The following RPTOR variants were observed in gnomAD, a reference collection of about 807,000 sequenced individuals.
The protein encoded by RPTOR is regulatory-associated protein of mTOR.
In RPTOR, 21 loss-of-function variants were observed where a neutral mutation model predicts 169.9. That is an observed-to-expected ratio of 0.12 (90% CI 0.09 to 0.18). The LOEUF (loss-of-function observed/expected upper bound fraction) is 0.18. RPTOR is among the 10% of genes least tolerant of loss of function. RPTOR has a pLI of 1.00. For missense variants in RPTOR, 1,133 were observed against 1,855.9 expected, an observed-to-expected ratio of 0.61 and a Z score of 7.16; for synonymous variants, 732 against 753.2, an observed-to-expected ratio of 0.97 and a Z score of 0.46.
intron 24 of RPTOR, among the ~76,000 whole-genome samples, chr17:80,926,990 C>T (rs770948843): frequency 2.0e-5 from 3 of 152,348 alleles, no homozygotes; most frequent in Non-Finnish European, 2.9e-5. Context: ...CTGGGCTCAC[C>T]GCTGCTTACC....
chr17:80,705,159 C>T (rs2066132999), intron 3 of RPTOR, among the ~76,000 whole-genome samples: 2 of 152,266 alleles, frequency 1.3e-5, no homozygotes, highest in Admixed American at 6.5e-5. Flanking sequence ...GCCCCCTGTG[C>T]GTGTCAACGC....
chr17:80,686,951 TC>T (rs575547413), intron 3 of RPTOR, among the ~76,000 whole-genome samples: 36 of 150,664 alleles, frequency 2.4e-4, no homozygotes, highest in African/African-American at 8.5e-4. Context: ...ATCTATCAGT[TC>T]CAGTCAGAGC....
chr17:80,577,078 C>T (rs2064970530), intron 1 of RPTOR, among the ~76,000 whole-genome samples: 1 of 149,778 alleles, frequency 6.7e-6, no homozygotes, highest in African/African-American at 2.5e-5. Flanking sequence ...TTTGCCCAGG[C>T]TGGAGTGCAG....
At chr17:80,619,565 T>G (rs750019842) in intron 1 of RPTOR, among the ~76,000 whole-genome samples, 6 of 152,168 alleles carry the variant, frequency 3.9e-5, no homozygotes, top group Non-Finnish European at 8.8e-5. Flanking sequence ...GGTGATCTGG[T>G]CTGCAGGCCC....
chr17:80,822,471 G>A (rs1253959157), intron 8 of RPTOR, among the ~76,000 whole-genome samples, 170 bp downstream of exon 8: 1 of 152,256 alleles, frequency 6.6e-6, no homozygotes, highest in East Asian at 1.9e-4. Flanking sequence ...GTGTCTGCGA[G>A]GGGGTGAGTT....
intron 15 of RPTOR, 92 bp downstream of exon 15, chr17:80,883,576 CAG>C (rs140548384): frequency 0.22 from 301,782 of 1,347,516 alleles, 37,612 homozygotes; most frequent in African/African-American, 0.43. Flanking sequence ...ACATGGGGGA[CAG>C]GGGGTGTCCA....
chr17:80,560,286 G>A (rs986423171), intron 1 of RPTOR, among the ~76,000 whole-genome samples: 2 of 152,194 alleles, frequency 1.3e-5, no homozygotes, highest in African/African-American at 4.8e-5. Context: ...CAGGTGGAGT[G>A]GTTGCGGGAG....
intron 5 of RPTOR, 55 bp from the exon 6 acceptor site, chr17:80,753,955 G>C: frequency 6.9e-7 from 1 of 1,457,188 alleles, no homozygotes; most frequent in South Asian, 1.2e-5. Flanking sequence ...CTTACTATTT[G>C]GTTGTGACCA....
chr17:80,654,365 C>T (rs545378458), intron 3 of RPTOR, among the ~76,000 whole-genome samples: 66 of 152,360 alleles, frequency 4.3e-4, no homozygotes, highest in African/African-American at 1.5e-3. Context: ...GAGGGTGCTC[C>T]CCTCGGTGGG....
chr17:80,718,517 C>CAG (rs1185753821), intron 4 of RPTOR, among the ~76,000 whole-genome samples: 5 of 151,612 alleles, frequency 3.3e-5, no homozygotes, highest in African/African-American at 9.7e-5. Flanking sequence ...TTGGCCCCTT[C>CAG]AGAGAGAGAG....
chr17:80,917,823 C>T (rs765394675), intron 21 of RPTOR, among the ~76,000 whole-genome samples: 6 of 152,176 alleles, frequency 3.9e-5, no homozygotes, highest in African/African-American at 1.2e-4. Context: ...CTCCGGGAAT[C>T]GTGAGCTCTA....
chr17:80,835,313 T>A (rs536141562), intron 9 of RPTOR, among the ~76,000 whole-genome samples: 10 of 152,192 alleles, frequency 6.6e-5, no homozygotes, highest in Admixed American at 2.6e-4. Context: ...ACTAAGACAT[T>A]GAGAAAATAT....
chr17:80,742,955 C>T (rs1014035330), intron 5 of RPTOR, among the ~76,000 whole-genome samples: 1 of 152,132 alleles, frequency 6.6e-6, no homozygotes, highest in Non-Finnish European at 1.5e-5. Flanking sequence ...CACACACACA[C>T]ACACAGCTTT....
At chr17:80,683,438 C>T (rs546395328) in intron 3 of RPTOR, among the ~76,000 whole-genome samples, 45 of 152,228 alleles carry the variant, frequency 3.0e-4, no homozygotes, top group African/African-American at 1.0e-3. Flanking sequence ...ATTAAGATGG[C>T]GTCCCCACAT....
chr17:80,637,874 G>A (rs770957474), intron 2 of RPTOR, among the ~76,000 whole-genome samples: 47 of 152,362 alleles, frequency 3.1e-4, no homozygotes, highest in Non-Finnish European at 4.3e-4. Context: ...AGTCGTGATC[G>A]CCCTTGGCGG....
intron 21 of RPTOR, among the ~76,000 whole-genome samples, chr17:80,921,419 C>T (rs1031685320): frequency 1.3e-5 from 2 of 152,182 alleles, no homozygotes; most frequent in Non-Finnish European, 2.9e-5. Flanking sequence ...GACCCGCATT[C>T]CCCCCACTGA....
At chr17:80,742,303 G>A (rs1412150252) in intron 5 of RPTOR, among the ~76,000 whole-genome samples, 2 of 152,136 alleles carry the variant, frequency 1.3e-5, no homozygotes, top group Admixed American at 1.3e-4. Context: ...AAGGGAACAG[G>A]ATCCATTACA....
intron 6 of RPTOR, among the ~76,000 whole-genome samples, chr17:80,765,869 G>C (rs547616160): frequency 2.2e-4 from 33 of 152,274 alleles, no homozygotes; most frequent in South Asian, 1.9e-3. Flanking sequence ...CCAGCCTAGT[G>C]GGGAGACTGG....
chr17:80,616,634 G>C (rs2065313096), intron 1 of RPTOR, among the ~76,000 whole-genome samples: 2 of 152,134 alleles, frequency 1.3e-5, no homozygotes, highest in South Asian at 4.1e-4. Context: ...ATAAATTTTA[G>C]AAAATTAGCC....
Sources: gnomAD v4.1 joint callset for allele counts (sites outside exome capture counted in the v4.1 genomes callset) on GRCh38, gnomAD v4.1.1 for gene constraint, MANE v1.5 for transcripts, NCBI Gene and HGNC (gene_info 2026-07-23, HGNC 2026-07-21) for gene names.